GRM8: variants seen among roughly 807,000 people sequenced by gnomAD.
GRM8 encodes metabotropic glutamate receptor 8.
A neutral mutation model predicts 87.2 loss-of-function variants in GRM8; 47 were observed. That is an observed-to-expected ratio of 0.54 (90% CI 0.43 to 0.69). The LOEUF (loss-of-function observed/expected upper bound fraction) is 0.69. Ranked by LOEUF, GRM8 falls within the 30% of genes least tolerant of loss-of-function variation. The pLI, the probability that GRM8 is intolerant of heterozygous loss-of-function variation, is 0.00. For synonymous variants in GRM8, 396 were observed against 404.5 expected, an observed-to-expected ratio of 0.98 and a Z score of 0.25; for missense variants, 1,019 against 1,139.2, an observed-to-expected ratio of 0.89 and a Z score of 1.52.
chr7:126,935,809 T>A lies in GRM8; in HGVS notation c.728-31126A>T, dbSNP rs374882372. ...TTGAAACCACATTTTCCAACCCTAC[T>A]CACTTTCCCAGGCTTGATGCCACCT... is the stretch of plus-strand genomic sequence containing the variant. On this transcript the variant is annotated intron_variant, in intron 3 of 10. Transcript: ENST00000339582. Among the ~76,000 whole-genome samples, 7 of 152,190 alleles carry A rather than the reference T, an allele frequency of 4.6e-5. No homozygotes were observed. In the East Asian group the frequency reaches 7.7e-4, roughly 17 times the overall value.
intron 7 of GRM8, among the ~76,000 whole-genome samples, chr7:126,646,126 T>C (rs1803018336): frequency 6.6e-6 from 1 of 152,168 alleles, no homozygotes; most frequent in African/African-American, 2.4e-5. Context: ...GTCTTACTGC[T>C]TTCTTAACCT....
chr7:126,608,077 G>C (rs557384226), intron 8 of GRM8, among the ~76,000 whole-genome samples: 1 of 152,014 alleles, frequency 6.6e-6, no homozygotes, highest in African/African-American at 2.4e-5. Flanking sequence ...GCAAAGGGCT[G>C]TTAAAATGTG....
intron 6 of GRM8, among the ~76,000 whole-genome samples, chr7:126,860,360 G>A (rs1798045688): frequency 6.6e-6 from 1 of 152,088 alleles, no homozygotes; most frequent in Non-Finnish European, 1.5e-5. Context: ...TTAAGGAAAA[G>A]TCTGCTATAG....
intron 7 of GRM8, among the ~76,000 whole-genome samples, chr7:126,706,450 T>C (rs1419018795): frequency 3.9e-5 from 6 of 152,068 alleles, no homozygotes; most frequent in African/African-American, 1.4e-4. Context: ...TGTCCCAGTT[T>C]GAAGTCAGTA....
At chr7:126,939,765 A>T (rs1806711036) in intron 3 of GRM8, among the ~76,000 whole-genome samples, 1 of 152,174 alleles carries the variant, frequency 6.6e-6, no homozygotes, top group African/African-American at 2.4e-5. Context: ...TTGTCCAGAG[A>T]TGGGATGTAT....
At chr7:126,462,175 C>G (rs1363714916) in intron 9 of GRM8, among the ~76,000 whole-genome samples, 2 of 151,446 alleles carry the variant, frequency 1.3e-5, no homozygotes, top group Admixed American at 1.3e-4. Context: ...TTTACTGTGA[C>G]AGAATGTGAA....
At chr7:126,962,071 T>C (rs933275969) in intron 3 of GRM8, among the ~76,000 whole-genome samples, 9 of 152,246 alleles carry the variant, frequency 5.9e-5, no homozygotes, top group Non-Finnish European at 1.3e-4. Context: ...ATTGTTCATA[T>C]ATACAATGTT....
intron 3 of GRM8, among the ~76,000 whole-genome samples, chr7:127,034,083 C>A (rs1156320906): frequency 1.3e-5 from 2 of 152,196 alleles, no homozygotes; most frequent in Non-Finnish European, 2.9e-5. Context: ...AAATGCAAGA[C>A]AAACTACACA....
In GRM8 at chr7:126,804,230, T is replaced by G. The variant is rs547175077; in HGVS notation, c.1157-34165A>C. 3.9e-5 allele frequency among the ~76,000 whole-genome samples: 6 copies of G among 152,336 alleles called. No individual in the cohort carries two copies. The East Asian group carries it at 1.2e-3, about 29-fold the overall frequency. On this transcript the variant is annotated intron_variant, in intron 6 of 10. Coordinates refer to ENST00000339582, the MANE Select transcript of GRM8 (RefSeq NM_000845.3). ...CCCTGCAGCTGTCTGGCAGCTTAGC[T>G]TTTTTCCCTTATCTCTACTACTTTA... is the stretch of plus-strand genomic sequence containing the variant.
chr7:127,152,958 T>C (rs1308157666), intron 2 of GRM8, among the ~76,000 whole-genome samples: 3 of 152,170 alleles, frequency 2.0e-5, no homozygotes, highest in Non-Finnish European at 2.9e-5. Context: ...CTTATTTGCA[T>C]GAATCACAAA....
chr7:126,577,099 A>G (rs1043559443), intron 8 of GRM8, among the ~76,000 whole-genome samples: 2 of 152,178 alleles, frequency 1.3e-5, no homozygotes, highest in African/African-American at 2.4e-5. Context: ...TTGGCCATCA[A>G]TTCCTTAAAT....
chr7:127,091,751 C>T (rs1447985818), intron 3 of GRM8, among the ~76,000 whole-genome samples: 2 of 145,022 alleles, frequency 1.4e-5, no homozygotes, highest in African/African-American at 5.2e-5. Context: ...GTCATCCCTC[C>T]CGTCCCACTG....
chr7:126,719,420 G>C (rs890315361), intron 7 of GRM8, among the ~76,000 whole-genome samples: 1 of 152,106 alleles, frequency 6.6e-6, no homozygotes, highest in Non-Finnish European at 1.5e-5. Context: ...AAACCTATAG[G>C]AATTCTGCTG....
At chr7:126,495,797 A>G (rs557856125) in intron 9 of GRM8, among the ~76,000 whole-genome samples, 50 of 152,116 alleles carry the variant, frequency 3.3e-4, no homozygotes, top group Non-Finnish European at 6.3e-4. Flanking sequence ...TCTGCTTCTT[A>G]AGCACATATT....
intron 6 of GRM8, among the ~76,000 whole-genome samples, chr7:126,774,249 T>C (rs1461548170): frequency 6.6e-6 from 1 of 152,210 alleles, no homozygotes; most frequent in Non-Finnish European, 1.5e-5. Flanking sequence ...CTTAAGATTT[T>C]ACAGCAGCTA....
intron 9 of GRM8, among the ~76,000 whole-genome samples, chr7:126,453,730 T>TA (rs1473291829): frequency 6.6e-6 from 1 of 151,892 alleles, no homozygotes; most frequent in African/African-American, 2.4e-5. Flanking sequence ...ATGGAAAATT[T>TA]AAAAACAGAG....
At chr7:127,074,694 T>C (rs986520734) in intron 3 of GRM8, among the ~76,000 whole-genome samples, 1 of 152,226 alleles carries the variant, frequency 6.6e-6, no homozygotes, top group Non-Finnish European at 1.5e-5. Context: ...CTCCTGGCCC[T>C]GTCTCCTAAC....
chr7:126,454,003 T>G (rs1802939682), intron 9 of GRM8, among the ~76,000 whole-genome samples: 1 of 151,708 alleles, frequency 6.6e-6, no homozygotes, highest in Admixed American at 6.6e-5. Flanking sequence ...TGCAGCAGCA[T>G]GGACAGAACT....
chr7:126,556,214 T>C (rs1053449512), intron 8 of GRM8, among the ~76,000 whole-genome samples: 3 of 152,102 alleles, frequency 2.0e-5, no homozygotes, highest in Non-Finnish European at 4.4e-5. Context: ...TCAAAGTCAG[T>C]CAAGCCTTTA....
Sources: gnomAD v4.1 joint callset for allele counts (sites outside exome capture counted in the v4.1 genomes callset) on GRCh38, gnomAD v4.1.1 for gene constraint, MANE v1.5 for transcripts, NCBI Gene and HGNC (gene_info 2026-07-23, HGNC 2026-07-21) for gene names.